The following SNX29 variants were observed in gnomAD, a reference collection of about 807,000 sequenced individuals.
SNX29 encodes sorting nexin 29.
In SNX29, 78 loss-of-function variants were observed where a neutral mutation model predicts 102.1. That is an observed-to-expected ratio of 0.76 (90% CI 0.64 to 0.92). The LOEUF is 0.92. Ranked by LOEUF, SNX29 falls within the 40% of genes least tolerant of loss-of-function variation. The probability of loss-of-function intolerance (pLI) is 0.00; values close to 1 mark genes in which losing one functional copy is unlikely to be tolerated. For missense variants in SNX29, 1,280 were observed against 1,061.7 expected, an observed-to-expected ratio of 1.21 and a Z score of -2.86; for synonymous variants, 580 against 414.5, an observed-to-expected ratio of 1.40 and a Z score of -4.85.
At position 12,010,240 on chromosome 16, in the gene SNX29, T is replaced by C. The variant is rs138594452; in HGVS notation, c.122+7197T>C. On this transcript the variant is annotated intron_variant, in intron 3 of 20. Transcript: ENST00000566228. ...ATATGTAAGGTGTTTTGACACTTGG[T>C]AGACATTTACCACACACTCACACAC... Among the ~76,000 whole-genome samples, 158 of 152,322 alleles carry C rather than the reference T, an allele frequency of 1.0e-3. 1 individual carries two copies. The highest frequency in any genetic ancestry group is 3.7e-3 in the African/African-American group (152 of 41,578).
chr16:12,263,982 C>T (rs1327134032), intron 14 of SNX29, among the ~76,000 whole-genome samples: 4 of 152,212 alleles, frequency 2.6e-5, no homozygotes, highest in Admixed American at 2.0e-4. Context: ...CCACCATTGC[C>T]ATCCATGGAG....
intron 20 of SNX29, among the ~76,000 whole-genome samples, chr16:12,540,923 C>T (rs1042613169): frequency 1.3e-5 from 2 of 152,332 alleles, no homozygotes; most frequent in Non-Finnish European, 2.9e-5. Context: ...TGTCTGTTCA[C>T]CCCCTGCCCA....
chr16:12,509,755 A>C (rs961756232), intron 19 of SNX29, among the ~76,000 whole-genome samples: 2 of 152,176 alleles, frequency 1.3e-5, no homozygotes, highest in Non-Finnish European at 2.9e-5. Context: ...CTTGCCTCTC[A>C]AAATCCATGA....
chr16:12,381,021 A>T (rs1257382259), intron 16 of SNX29, among the ~76,000 whole-genome samples: 1 of 18,792 alleles, frequency 5.3e-5, no homozygotes, highest in Non-Finnish European at 9.7e-5. Flanking sequence ...CCCACCCACC[A>T]TCCACCCACC....
chr16:12,306,673 A>T (rs1158986926), intron 15 of SNX29, among the ~76,000 whole-genome samples: 2 of 152,228 alleles, frequency 1.3e-5, no homozygotes, highest in Non-Finnish European at 2.9e-5. Context: ...GCCCCTGCTG[A>T]TGGCAGCACT....
chr16:12,544,016 C>G (rs546981014), intron 20 of SNX29, among the ~76,000 whole-genome samples: 5 of 152,208 alleles, frequency 3.3e-5, no homozygotes, highest in Admixed American at 6.5e-5. Flanking sequence ...AAGCCCTGGA[C>G]TCTAGACCCC....
intron 4 of SNX29, among the ~76,000 whole-genome samples, chr16:12,037,676 G>T (rs551242111): frequency 6.6e-6 from 1 of 152,014 alleles, no homozygotes; most frequent in Non-Finnish European, 1.5e-5. Flanking sequence ...AAGGGACCAG[G>T]CTCAGTGGTT....
At chr16:12,478,053 G>T (rs1016786617) in intron 19 of SNX29, among the ~76,000 whole-genome samples, 194 bp downstream of exon 19, 11 of 152,228 alleles carry the variant, frequency 7.2e-5, no homozygotes, top group Non-Finnish European at 1.6e-4. Context: ...CGTCATGTGT[G>T]TGTGTATGTC....
intron 1 of SNX29, among the ~76,000 whole-genome samples, chr16:11,993,835 C>T (rs1188222472): frequency 6.6e-6 from 1 of 152,114 alleles, no homozygotes; most frequent in East Asian, 1.9e-4. Context: ...ACATTGAAGA[C>T]AAAGGCCGGG....
intron 16 of SNX29, among the ~76,000 whole-genome samples, chr16:12,362,562 ACCC>A (rs796459458): frequency 1.0e-4 from 2 of 19,984 alleles, no homozygotes; most frequent in African/African-American, 3.9e-4. Context: ...CTCCCCCCCC[ACCC>A]CCCCCCCCAC....
At chr16:12,321,390 AT>A (rs2151175639) in intron 15 of SNX29, among the ~76,000 whole-genome samples, 1 of 152,274 alleles carries the variant, frequency 6.6e-6, no homozygotes, top group East Asian at 1.9e-4. Flanking sequence ...GCCTTTCAGA[AT>A]TTAGCCCCCA....
chr16:12,408,181 A>AAATC (rs1555530448), intron 18 of SNX29, among the ~76,000 whole-genome samples: 1 of 148,664 alleles, frequency 6.7e-6, no homozygotes, highest in African/African-American at 2.5e-5. Context: ...AACAAACAAA[A>AAATC]AAAAAACTAG....
At chr16:11,989,274 G>A (rs968244675) in intron 1 of SNX29, among the ~76,000 whole-genome samples, 2 of 151,974 alleles carry the variant, frequency 1.3e-5, no homozygotes, top group African/African-American at 4.8e-5. Context: ...TGCCCGGCCT[G>A]CTCTAGAGTA....
chr16:12,369,996 CA>C (rs1164890642), intron 16 of SNX29, among the ~76,000 whole-genome samples: 5 of 152,078 alleles, frequency 3.3e-5, no homozygotes, highest in African/African-American at 1.2e-4. Flanking sequence ...GTGGGCTGAT[CA>C]CCTGAGGTCA....
chr16:12,362,032 C>T (rs1405267995), intron 16 of SNX29, among the ~76,000 whole-genome samples: 1 of 144,782 alleles, frequency 6.9e-6, no homozygotes. Flanking sequence ...AACGAGTAGC[C>T]TGCTGAATTC....
rs2080291296 is a variant in SNX29 at position 12,304,869 on chromosome 16, A to G, written c.1782+26833A>G. On this transcript the variant is annotated intron_variant, in intron 15 of 20. Coordinates refer to ENST00000566228, the MANE Select transcript of SNX29 (RefSeq NM_032167.5). ...TATGATTTTACGAGAACATTCTGGA[A>G]AGCTGAGCTTTATTCAGAATGTTTT... Among the ~76,000 whole-genome samples the G allele has an allele frequency of 2.6e-5, 4 of 152,350 alleles. No homozygotes were observed. The South Asian group carries it at 8.3e-4, about 32-fold the overall frequency.
intron 6 of SNX29, among the ~76,000 whole-genome samples, chr16:12,046,745 G>A (rs2050105929): frequency 6.6e-6 from 1 of 152,142 alleles, no homozygotes; most frequent in African/African-American, 2.4e-5. Context: ...TCAACCTTCC[G>A]AGAAGCTGGG....
chr16:12,526,456 T>C, intron 20 of SNX29: 1 of 463,350 alleles, frequency 2.2e-6, no homozygotes, highest in South Asian at 1.7e-5. Flanking sequence ...TATAGTATCC[T>C]GCTGCCTGTG....
chr16:12,028,325 T>A (rs1470130591), intron 4 of SNX29, among the ~76,000 whole-genome samples: 1 of 152,178 alleles, frequency 6.6e-6, no homozygotes, highest in Non-Finnish European at 1.5e-5. Context: ...GTATCATCCT[T>A]TCTTTTTTCT....
Sources: allele counts gnomAD v4.1 joint callset (sites outside exome capture counted in the v4.1 genomes callset), GRCh38; gene constraint gnomAD v4.1.1; transcripts MANE v1.5; gene names NCBI Gene and HGNC (gene_info 2026-07-23, HGNC 2026-07-21).